The following RNF130 variants were observed in gnomAD, a reference collection of about 807,000 sequenced individuals.
RNF130 encodes E3 ubiquitin-protein ligase RNF130.
In RNF130, 21 loss-of-function variants were observed where a neutral mutation model predicts 44.6. The observed-to-expected ratio is 0.47, with a 90% confidence interval of 0.33 to 0.68. The LOEUF is 0.68. Ranked by LOEUF, RNF130 falls within the 30% of genes least tolerant of loss-of-function variation. The pLI is 0.02. For synonymous variants in RNF130, 214 were observed against 210.4 expected (o/e 1.02, Z -0.15); for missense variants, 479 against 560.6 (o/e 0.85, Z 1.47).
At chr5:179,985,530 G>A (rs1762934949) in intron 3 of RNF130, among the ~76,000 whole-genome samples, 1 of 152,088 alleles carries the variant, frequency 6.6e-6, no homozygotes, top group South Asian at 2.1e-4. Context: ...TGGGTGGCCA[G>A]GGGCATTATC....
At chr5:179,912,402 G>A (rs1761479214) in exon 8 of RNF130, 1 of 152,210 alleles carries the variant, frequency 6.6e-6, no homozygotes, top group Non-Finnish European at 1.5e-5. Context: ...CACGGGACAA[G>A]TTTTCTTTTT....
intron 7 of RNF130, among the ~76,000 whole-genome samples, chr5:179,929,147 G>A (rs1761769862): frequency 6.6e-6 from 1 of 152,104 alleles, no homozygotes; most frequent in Non-Finnish European, 1.5e-5. Flanking sequence ...TCAGTATAGT[G>A]TGAAGTAGGA....
chr5:179,924,252 T>C (rs1271865430), intron 7 of RNF130, among the ~76,000 whole-genome samples: 1 of 151,936 alleles, frequency 6.6e-6, no homozygotes, highest in Non-Finnish European at 1.5e-5. Flanking sequence ...TCCCAGCACT[T>C]TGGGAGGCTA....
At chr5:180,070,921 A>C (rs1436308294) in intron 1 of RNF130, among the ~76,000 whole-genome samples, 1 of 152,136 alleles carries the variant, frequency 6.6e-6, no homozygotes, top group African/African-American at 2.4e-5. Context: ...ATTACAGTAA[A>C]ACTACTAGGG....
exon 8 of RNF130, chr5:179,916,066 T>C (rs928622893): frequency 1.3e-5 from 2 of 152,200 alleles, no homozygotes; most frequent in African/African-American, 4.8e-5. Flanking sequence ...TCAGTGTTTT[T>C]GTTTCATGAC....
chr5:179,930,329 T>G (rs979494338), intron 7 of RNF130, among the ~76,000 whole-genome samples: 2 of 152,202 alleles, frequency 1.3e-5, no homozygotes, highest in African/African-American at 2.4e-5. Flanking sequence ...GTGCTAGGAT[T>G]ACAGGCATGA....
chr5:180,054,406 C>G (rs891740898), intron 1 of RNF130, among the ~76,000 whole-genome samples: 2 of 152,324 alleles, frequency 1.3e-5, no homozygotes, highest in Admixed American at 6.5e-5. Flanking sequence ...GATGCAGATG[C>G]CCACTTAGCT....
chr5:180,044,472 T>C (rs1422009502), intron 1 of RNF130, among the ~76,000 whole-genome samples: 1 of 152,162 alleles, frequency 6.6e-6, no homozygotes, highest in East Asian at 1.9e-4. Context: ...GTAACTTATG[T>C]GCTCAGCTAC....
chr5:180,018,094 A>C (rs947454113), intron 2 of RNF130, among the ~76,000 whole-genome samples: 27 of 152,194 alleles, frequency 1.8e-4, no homozygotes, highest in African/African-American at 5.5e-4. Flanking sequence ...CAGGAGTTTG[A>C]GACCAGCCTA....
At chr5:180,068,113 C>T (rs1311953810) in intron 1 of RNF130, among the ~76,000 whole-genome samples, 1 of 152,242 alleles carries the variant, frequency 6.6e-6, no homozygotes. Flanking sequence ...AACTCTTCCC[C>T]ACCAGCACAT....
chr5:179,947,502 G>A (rs528688399), intron 7 of RNF130, among the ~76,000 whole-genome samples: 13 of 152,344 alleles, frequency 8.5e-5, no homozygotes, highest in African/African-American at 3.1e-4. Context: ...ATAGAATGGG[G>A]TTTGGAACAC....
chr5:180,051,426 T>A (rs1582221883), intron 1 of RNF130, among the ~76,000 whole-genome samples: 2 of 152,046 alleles, frequency 1.3e-5, no homozygotes, highest in South Asian at 4.2e-4. Flanking sequence ...ATTTTTTGTA[T>A]TTTTAGTAGA....
chr5:179,978,280 A>G lies in RNF130; in HGVS notation c.771T>C (p.Thr257=). Residue 257 remains threonine (T), a synonymous_variant, in exon 5 of 9, where the codon ACT becomes ACC. Transcript: ENST00000521389. The part of the protein sequence containing the change: ...TRTVKKGDKE[T]DPDFDHCAVC... Reference sequence around the variant, plus strand: ...CTGCACAATGATCAAAGTCTGGGTCAGTTTCCTAAAATGAAAAGTACAGAA... The same window carrying G: ...CTGCACAATGATCAAAGTCTGGGTCGGTTTCCTAAAATGAAAAGTACAGAA... The G allele has an allele frequency of 6.2e-7, 1 of 1,613,214 alleles. No individual in the cohort carries two copies.
chr5:179,992,047 TGAA>T (rs1395624269), intron 3 of RNF130, among the ~76,000 whole-genome samples: 2 of 152,172 alleles, frequency 1.3e-5, no homozygotes, highest in African/African-American at 4.8e-5. Flanking sequence ...TAAATACAAA[TGAA>T]GCTTCAGTCA....
intron 2 of RNF130, among the ~76,000 whole-genome samples, chr5:180,027,862 C>G (rs1304152171): frequency 2.6e-5 from 4 of 152,226 alleles, no homozygotes; most frequent in African/African-American, 9.6e-5. Flanking sequence ...GCTCCGGCTG[C>G]CCGGCTCTGT....
chr5:179,950,473 GTT>G (rs554308776), downstream of RNF130, among the ~76,000 whole-genome samples: 89 of 152,310 alleles, frequency 5.8e-4, no homozygotes, highest in African/African-American at 2.1e-3. Flanking sequence ...AAAAATACAT[GTT>G]TAAGGTGCAA....
At chr5:179,970,020 G>C (rs1762544796) in intron 6 of RNF130, among the ~76,000 whole-genome samples, 1 of 152,064 alleles carries the variant, frequency 6.6e-6, no homozygotes, top group African/African-American at 2.4e-5. Context: ...GCCAGGCATG[G>C]CGGTGTATGC....
chr5:180,065,116 T>G (rs563879478), intron 1 of RNF130, among the ~76,000 whole-genome samples: 2 of 150,874 alleles, frequency 1.3e-5, no homozygotes, highest in East Asian at 3.9e-4. Flanking sequence ...ATTTTGTTCT[T>G]GGAGCTACAG....
chr5:179,964,002 G>A (rs780381588), intron 7 of RNF130: 39 of 165,856 alleles, frequency 2.4e-4, no homozygotes, highest in Middle Eastern at 6.0e-3. Flanking sequence ...TGAGGAGCAC[G>A]GAGCAGCAGT....
Sources: gnomAD v4.1 joint callset for allele counts (sites outside exome capture counted in the v4.1 genomes callset) on GRCh38, gnomAD v4.1.1 for gene constraint, MANE v1.5 for transcripts, NCBI Gene and HGNC (gene_info 2026-07-23, HGNC 2026-07-21) for gene names.